Variants in AFF4 observed in about 807,000 individuals in gnomAD.
AFF4 encodes the protein ALF transcription elongation factor 4.
A neutral mutation model predicts 124.8 loss-of-function variants in AFF4; 13 were observed. The observed-to-expected ratio is 0.10, with a 90% confidence interval of 0.07 to 0.17. The LOEUF is 0.17. Ranked by LOEUF, AFF4 falls within the 10% of genes least tolerant of loss-of-function variation. The pLI, the probability that AFF4 is intolerant of heterozygous loss-of-function variation, is 1.00. For missense variants in AFF4, 1,092 were observed against 1,403.8 expected (o/e 0.78, Z 3.55); for synonymous variants, 477 against 496.1 (o/e 0.96, Z 0.51).
At chr5:132,950,588 G>A (rs183248163) in intron 1 of AFF4, among the ~76,000 whole-genome samples, 2 of 152,306 alleles carry the variant, frequency 1.3e-5, no homozygotes, top group East Asian at 3.9e-4. Context: ...GGCAGAGGTT[G>A]CAGTGAGCCA....
chr5:132,897,488 G>A (rs773433434), intron 10 of AFF4, among the ~76,000 whole-genome samples: 1 of 152,136 alleles, frequency 6.6e-6, no homozygotes, highest in Non-Finnish European at 1.5e-5. Flanking sequence ...GAGGTGGGCG[G>A]ATCATGAGAT....
At chr5:132,909,071 T>A (rs1258295000) in intron 5 of AFF4, among the ~76,000 whole-genome samples, 1 of 151,088 alleles carries the variant, frequency 6.6e-6, no homozygotes, top group Non-Finnish European at 1.5e-5. Flanking sequence ...ACCCAGCCGC[T>A]CAAGCATATC....
At chr5:132,955,815 C>T (rs1333472118) in intron 1 of AFF4, among the ~76,000 whole-genome samples, 31 of 127,572 alleles carry the variant, frequency 2.4e-4, no homozygotes, top group Middle Eastern at 4.0e-3. Flanking sequence ...TATATATATA[C>T]ACACACACAC....
chr5:132,902,410 T>C (rs1760573379), intron 7 of AFF4, 32 bp downstream of exon 7: 2 of 1,542,668 alleles, frequency 1.3e-6, no homozygotes, highest in Non-Finnish European at 1.8e-6. Flanking sequence ...GCAAAAATGA[T>C]AAATATTAAA....
chr5:132,920,417 C>T (rs1761016389), intron 5 of AFF4, among the ~76,000 whole-genome samples: 1 of 148,200 alleles, frequency 6.7e-6, no homozygotes, highest in African/African-American at 2.5e-5. Flanking sequence ...AGTGCAGTGG[C>T]ATAATCATGA....
chr5:132,883,344 T>C lies in AFF4; in HGVS notation c.3360A>G (p.Gln1120=), dbSNP rs747309720. ...TTTATCCAGAAACCTACCTACCTTT[T>C]TGCTCTTTGGAAAGCTGTTCAGCTT... ...WDQAEQLSKE[Q]KEFFAELDKV... is the part of the protein sequence containing the mutation. Residue 1120 remains glutamine (Q), a synonymous_variant, in exon 20 of 21, where the codon CAA becomes CAG. Coordinates refer to ENST00000265343, the MANE Select transcript of AFF4 (RefSeq NM_014423.4). 1.2e-6 allele frequency: 2 copies of C among 1,613,936 alleles called. No homozygotes were observed. The highest frequency in any genetic ancestry group is 3.3e-5 in the Admixed American group (2 of 60,024).
In AFF4 at chr5:132,934,596, T is replaced by C; in HGVS notation, c.469A>G (p.Asn157Asp). 6.2e-7 allele frequency: 1 copy of C among 1,614,166 alleles called. No individual in the cohort carries two copies. Among genetic ancestry groups the C allele is most frequent in the South Asian group, 1.1e-5 (1 of 91,078 alleles). ...TTCCGGCTACTGCTCCCACTATTGT[T>C]ATATGACTCACGGTCGTGCCTCTGA... The part of the protein sequence containing the change: ...SGQRHDRESY[N>D]NSGSSSRKKG... The change falls in exon 3 of 21, where the codon AAC becomes GAC. Residue 157 changes from asparagine (N) to aspartate (D), a missense_variant. Transcript: ENST00000265343.
chr5:132,927,348 C>T (rs545335656), intron 4 of AFF4, 141 bp from the exon 5 acceptor site: 19 of 683,284 alleles, frequency 2.8e-5, no homozygotes, highest in Admixed American at 2.2e-4. Flanking sequence ...AAATATTAAG[C>T]ACAATTGTGT....
At chr5:132,915,917 T>C (rs1178146463) in intron 5 of AFF4, among the ~76,000 whole-genome samples, 2 of 151,946 alleles carry the variant, frequency 1.3e-5, no homozygotes, top group African/African-American at 2.4e-5. Context: ...CCATTGTTCC[T>C]ATAGATAGAA....
chr5:132,933,407 AAAAG>A (rs1761346100), intron 3 of AFF4, among the ~76,000 whole-genome samples: 2 of 151,936 alleles, frequency 1.3e-5, no homozygotes, highest in African/African-American at 2.4e-5. Context: ...CAAAAAAAAA[AAAAG>A]AGAGAGATAA....
intron 13 of AFF4, among the ~76,000 whole-genome samples, chr5:132,890,551 G>A (rs1760228881): frequency 6.6e-6 from 1 of 152,134 alleles, no homozygotes; most frequent in Non-Finnish European, 1.5e-5. Flanking sequence ...AAAACTATGT[G>A]CAATGTTGAT....
chr5:132,948,018 A>G (rs566144748), intron 1 of AFF4, among the ~76,000 whole-genome samples: 102 of 152,208 alleles, frequency 6.7e-4, no homozygotes, highest in African/African-American at 2.4e-3. Context: ...TATTTCATAA[A>G]TCATTCTCAA....
intron 1 of AFF4, 24 bp downstream of exon 1, chr5:132,963,235 G>C: frequency 2.6e-6 from 1 of 391,304 alleles, no homozygotes; most frequent in East Asian, 3.6e-5. Context: ...CCCGGCCCTG[G>C]GTCAGTCTGT....
At chr5:132,910,709 A>C (rs1760775888) in intron 5 of AFF4, among the ~76,000 whole-genome samples, 1 of 152,246 alleles carries the variant, frequency 6.6e-6, no homozygotes, top group Admixed American at 6.5e-5. Flanking sequence ...AAACACTGTT[A>C]CTTGAGTATA....
chr5:132,929,241 T>A (rs1761248801), intron 4 of AFF4, among the ~76,000 whole-genome samples: 1 of 152,118 alleles, frequency 6.6e-6, no homozygotes, highest in Non-Finnish European at 1.5e-5. Flanking sequence ...CATTGGCATT[T>A]TATATCTCAA....
intron 5 of AFF4, among the ~76,000 whole-genome samples, chr5:132,922,449 G>T (rs1761069423): frequency 6.6e-6 from 1 of 151,960 alleles, no homozygotes; most frequent in Non-Finnish European, 1.5e-5. Flanking sequence ...TTTATACAAA[G>T]ATTTATACAC....
intron 1 of AFF4, among the ~76,000 whole-genome samples, chr5:132,960,651 T>TTGCTCATACAGCTTTCTTTACA (rs1342523626): frequency 2.0e-5 from 3 of 152,244 alleles, no homozygotes; most frequent in African/African-American, 4.8e-5. Flanking sequence ...TACTGATCCT[T>TTGCTCATACAGCTTTCTTTACA]TGCTCATACA....
At position 132,896,604 on chromosome 5, in the gene AFF4, C is replaced by A. The variant is rs1205010458; in HGVS notation, c.2026G>T (p.Val676Phe). The A allele has an allele frequency of 6.2e-7, 1 of 1,614,054 alleles. No individual in the cohort carries two copies. Among genetic ancestry groups the A allele is most frequent in the East Asian group, 2.2e-5 (1 of 44,888 alleles). ...PKYPESNRTP[V>F]KPSSVEEEDS... ...TCTTCCTCCACTGAGGAGGGTTTAACAGGAGTCCTATTGCTCTCGGGGTAC... is the reference window on the plus strand; with the variant it reads ...TCTTCCTCCACTGAGGAGGGTTTAAAAGGAGTCCTATTGCTCTCGGGGTAC... The change falls in exon 11 of 21, where the codon GTT becomes TTT. Residue 676 changes from valine (V) to phenylalanine (F), a missense_variant. Around this residue, in one of 11 missense-constraint regions of AFF4, gnomAD observed 293 missense variants for 280.2 expected, o/e 1.05. Transcript: ENST00000265343.
At chr5:132,911,723 A>C (rs1485346929) in intron 5 of AFF4, among the ~76,000 whole-genome samples, 1 of 151,998 alleles carries the variant, frequency 6.6e-6, no homozygotes, top group Non-Finnish European at 1.5e-5. Context: ...GATGGAAACT[A>C]TAAGACCAAA....
Sources: gnomAD v4.1 joint callset for allele counts (sites outside exome capture counted in the v4.1 genomes callset) on GRCh38, gnomAD v4.1.1 for gene constraint, gnomAD v4.1.1 regional missense constraint, MANE v1.5 for transcripts, NCBI Gene and HGNC (gene_info 2026-07-23, HGNC 2026-07-21) for gene names.